The following NYAP2 variants were observed in gnomAD, a reference collection of about 807,000 sequenced individuals.
The protein encoded by NYAP2 is neuronal tyrosine-phosphorylated phosphoinositide-3-kinase adapter 2.
NYAP2 carries 23 observed loss-of-function variants against 50.4 expected under a neutral mutation model. That is an observed-to-expected ratio of 0.46 (90% CI 0.33 to 0.65). NYAP2 has a LOEUF of 0.65. Among genes scored for constraint, NYAP2 ranks in the 30% least tolerant of loss-of-function variants. The probability of loss-of-function intolerance (pLI) is 0.02; values close to 1 mark genes in which losing one functional copy is unlikely to be tolerated. For synonymous variants in NYAP2, 394 were observed against 365.2 expected, an observed-to-expected ratio of 1.08 and a Z score of -0.90; for missense variants, 885 against 861.0, an observed-to-expected ratio of 1.03 and a Z score of -0.35.
intron 3 of NYAP2, among the ~76,000 whole-genome samples, chr2:225,434,469 C>A (rs1452073368): frequency 2.0e-5 from 3 of 152,130 alleles, no homozygotes; most frequent in South Asian, 2.1e-4. Flanking sequence ...AAAATTAATT[C>A]TTTGAATTTT....
At chr2:225,665,199 C>CT in the NYAP2 span, among the ~76,000 whole-genome samples, 874 of 151,622 alleles carry the variant, frequency 5.8e-3, 11 homozygotes, top group African/African-American at 0.02. Context: ...GAACTTTGCT[C>CT]TTTTTTTTTC....
chr2:225,460,473 A>G (rs903931150), intron 3 of NYAP2, among the ~76,000 whole-genome samples: 1 of 152,192 alleles, frequency 6.6e-6, no homozygotes, highest in Admixed American at 6.5e-5. Context: ...GAGGTGGGTA[A>G]TAATAATTCT....
At chr2:225,595,501 T>C (rs1692580871) in intron 5 of NYAP2, among the ~76,000 whole-genome samples, 1 of 152,234 alleles carries the variant, frequency 6.6e-6, no homozygotes, top group Non-Finnish European at 1.5e-5. Flanking sequence ...CTTTTGACCA[T>C]TAGTTATTAA....
chr2:225,582,264 G>A lies in NYAP2; in HGVS notation c.847G>A (p.Ala283Thr), dbSNP rs760467083. ...TATCTTTGACGACTTGGGCCAAGAC[G>A]CCAAATGTGACTTCGACCATCACAG... Residue 283 changes from alanine to threonine, a missense_variant, in exon 5 of 7, where the codon GCC becomes ACC. Transcript: ENST00000636099. This position sits in a 1 kb window ranked among gnomAD's most constrained non-coding sequence, Gnocchi z 7.0. 7.4e-6 allele frequency: 12 copies of A among 1,613,892 alleles called. No homozygotes were observed. The highest frequency in any genetic ancestry group is 1.7e-5 in the Admixed American group (1 of 60,012).
intron 4 of NYAP2, 65 bp downstream of exon 4, chr2:225,513,737 C>T (rs1018368572): frequency 1.5e-6 from 2 of 1,310,164 alleles, no homozygotes; most frequent in Non-Finnish European, 2.0e-6. Context: ...GGTCAGCATG[C>T]CCAGGGGCAA....
At chr2:225,613,108 G>A (rs1413496616) in intron 5 of NYAP2, among the ~76,000 whole-genome samples, 1 of 152,172 alleles carries the variant, frequency 6.6e-6, no homozygotes, top group African/African-American at 2.4e-5. Context: ...TAGGCTGGCT[G>A]CAAGCTGAGG....
chr2:225,483,227 A>G (rs948360946), intron 3 of NYAP2, among the ~76,000 whole-genome samples: 5 of 152,220 alleles, frequency 3.3e-5, no homozygotes, highest in African/African-American at 1.2e-4. Context: ...ATAATAAATA[A>G]GAGAGCTAGG....
the NYAP2 span, among the ~76,000 whole-genome samples, chr2:225,660,152 A>C: frequency 2.6e-5 from 4 of 151,846 alleles, no homozygotes; most frequent in Non-Finnish European, 5.9e-5. Context: ...TATATTCATT[A>C]CTCCTTCTTT....
intron 4 of NYAP2, among the ~76,000 whole-genome samples, chr2:225,537,499 A>C (rs905113370): frequency 6.6e-6 from 1 of 152,198 alleles, no homozygotes; most frequent in Non-Finnish European, 1.5e-5. Context: ...GAGTTTGTGC[A>C]GATATAATTC....
At chr2:225,589,363 T>C (rs989878515) in intron 5 of NYAP2, among the ~76,000 whole-genome samples, 1 of 151,216 alleles carries the variant, frequency 6.6e-6, no homozygotes, top group Admixed American at 6.6e-5. Context: ...CACATTTTGT[T>C]TGGCCTATTT....
intron 2 of NYAP2, among the ~76,000 whole-genome samples, chr2:225,401,446 G>A (rs1694860376): frequency 6.6e-6 from 1 of 151,982 alleles, no homozygotes; most frequent in African/African-American, 2.4e-5. Context: ...TGTCAGCAGT[G>A]AGAGCCCAAT....
At chr2:225,606,170 A>C (rs1692782844) in intron 5 of NYAP2, among the ~76,000 whole-genome samples, 1 of 152,110 alleles carries the variant, frequency 6.6e-6, no homozygotes, top group Admixed American at 6.6e-5. Flanking sequence ...CCTCAGAGTT[A>C]ATTAGGGCTA....
intron 6 of NYAP2, among the ~76,000 whole-genome samples, chr2:225,629,807 A>G (rs936750947): frequency 2.6e-5 from 4 of 152,202 alleles, no homozygotes; most frequent in Non-Finnish European, 2.9e-5. Context: ...AACAGCAGCA[A>G]GCCATTCATG....
chr2:225,488,838 G>T (rs1431071), intron 3 of NYAP2, among the ~76,000 whole-genome samples: 40,336 of 152,092 alleles, frequency 0.27, 5,828 homozygotes, highest in South Asian at 0.52. Flanking sequence ...GTCATGAAAT[G>T]AATTCTTCTA....
At chr2:225,572,447 G>A (rs956656077) in intron 4 of NYAP2, among the ~76,000 whole-genome samples, 8 of 152,172 alleles carry the variant, frequency 5.3e-5, no homozygotes, top group Non-Finnish European at 1.0e-4. Flanking sequence ...CAGGGGTGCA[G>A]GAGAGAGAAT....
At chr2:225,599,403 A>C (rs1692659936) in intron 5 of NYAP2, among the ~76,000 whole-genome samples, 1 of 152,236 alleles carries the variant, frequency 6.6e-6, no homozygotes, top group Admixed American at 6.5e-5. Context: ...AATCTTTTGA[A>C]GACTGGTGTG....
intron 4 of NYAP2, among the ~76,000 whole-genome samples, chr2:225,524,499 A>G (rs1165684880): frequency 6.6e-6 from 1 of 152,204 alleles, no homozygotes; most frequent in African/African-American, 2.4e-5. Context: ...AGACACACCC[A>G]GGAACAATGT....
chr2:225,597,534 T>TATATATATATATATA (rs1553554344), intron 5 of NYAP2, among the ~76,000 whole-genome samples: 1 of 123,266 alleles, frequency 8.1e-6, no homozygotes, highest in Non-Finnish European at 1.8e-5. Context: ...TATATATGTA[T>TATATATATATATATA]CACAATTTCC....
intron 3 of NYAP2, among the ~76,000 whole-genome samples, chr2:225,446,197 T>C (rs1689551945): frequency 2.0e-5 from 1 of 51,192 alleles, no homozygotes; most frequent in African/African-American, 5.7e-5. Flanking sequence ...TGTCTGTCTG[T>C]CTGTCTGTCT....
Sources: gnomAD v4.1 joint callset for allele counts (sites outside exome capture counted in the v4.1 genomes callset) on GRCh38, gnomAD v4.1.1 for gene constraint, Gnocchi (gnomAD v3.1) non-coding constraint, MANE v1.5 for transcripts, NCBI Gene and HGNC (gene_info 2026-07-23, HGNC 2026-07-21) for gene names.